KDM4C: variants seen among roughly 807,000 people sequenced by gnomAD.
KDM4C encodes the protein lysine demethylase 4C.
KDM4C carries 81 observed loss-of-function variants against 129.3 expected under a neutral mutation model. The ratio of observed to expected loss-of-function variants is 0.63; its 90% CI spans 0.52 to 0.75. The LOEUF is 0.75. Among genes scored for constraint, KDM4C ranks in the 30% least tolerant of loss-of-function variants. The probability of loss-of-function intolerance (pLI) is 0.00; values close to 1 mark genes in which losing one functional copy is unlikely to be tolerated. For synonymous variants in KDM4C, 573 were observed against 456.1 expected (o/e 1.26, Z -3.26); for missense variants, 1,457 against 1,304.0 (o/e 1.12, Z -1.81).
At chr9:6,772,505 G>A (rs1321972856) in intron 1 of KDM4C, among the ~76,000 whole-genome samples, 1 of 152,106 alleles carries the variant, frequency 6.6e-6, no homozygotes, top group African/African-American at 2.4e-5. Context: ...GGGATTACAG[G>A]CATGCACCAC....
In KDM4C at chr9:7,159,361, T is replaced by G. The variant is rs138659766; in HGVS notation, c.2782-5877T>G. ...AGGTTAATATTGTTATGTGTGAATT[T>G]GATCCTGTCATTATGTTGTTAGCTG... On this transcript the variant is annotated intron_variant, in intron 19 of 21. Transcript: ENST00000381309. Among the ~76,000 whole-genome samples the G allele has an allele frequency of 7.0e-3, 1,066 of 152,348 alleles. 8 individuals are homozygous for G. Among genetic ancestry groups the G allele is most frequent in the Middle Eastern group, 0.031 (9 of 294 alleles).
At chr9:6,868,326 G>A (rs938475184) in intron 5 of KDM4C, among the ~76,000 whole-genome samples, 6 of 152,114 alleles carry the variant, frequency 3.9e-5, no homozygotes, top group East Asian at 3.9e-4. Context: ...ATATCCTCAC[G>A]TGAAGAGAGT....
At chr9:6,811,185 G>A (rs57144536) in intron 3 of KDM4C, among the ~76,000 whole-genome samples, 2 of 151,912 alleles carry the variant, frequency 1.3e-5, no homozygotes, top group African/African-American at 4.8e-5. Context: ...ACAGAGTCTC[G>A]CTCTGTTGCC....
intron 2 of KDM4C, among the ~76,000 whole-genome samples, chr9:6,799,437 C>A (rs1024156077): frequency 6.6e-6 from 1 of 152,088 alleles, no homozygotes. Flanking sequence ...TGGCGGCGCG[C>A]GTCTGCAATC....
intron 1 of KDM4C, among the ~76,000 whole-genome samples, chr9:6,745,882 T>C (rs893527821): frequency 1.3e-5 from 2 of 152,114 alleles, no homozygotes; most frequent in Non-Finnish European, 2.9e-5. Context: ...TGATCTCAGC[T>C]CACTGCAACC....
intron 15 of KDM4C, among the ~76,000 whole-genome samples, chr9:7,034,661 A>G (rs1827332689): frequency 1.3e-5 from 2 of 152,222 alleles, no homozygotes; most frequent in South Asian, 4.1e-4. Context: ...TCTCTTTGAT[A>G]TAATGATTTC....
intron 1 of KDM4C, among the ~76,000 whole-genome samples, chr9:6,760,598 T>C (rs1819260176): frequency 6.6e-6 from 1 of 151,616 alleles, no homozygotes; most frequent in Non-Finnish European, 1.5e-5. Context: ...TGAGACGAAG[T>C]CTCACTCTGT....
chr9:6,788,120 C>T (rs536343744), intron 1 of KDM4C, among the ~76,000 whole-genome samples: 2 of 152,224 alleles, frequency 1.3e-5, no homozygotes, highest in African/African-American at 4.8e-5. Flanking sequence ...TTTGTTCCTC[C>T]GAAGTACCTT....
chr9:6,802,086 C>T (rs1424562931), intron 2 of KDM4C, among the ~76,000 whole-genome samples: 8 of 128,368 alleles, frequency 6.2e-5, no homozygotes, highest in African/African-American at 2.3e-4. Context: ...GCCTGGGGAA[C>T]AAAAGAGAAA....
intron 17 of KDM4C, among the ~76,000 whole-genome samples, chr9:7,097,289 T>C (rs1836551540): frequency 1.3e-5 from 2 of 152,382 alleles, no homozygotes; most frequent in South Asian, 2.1e-4. Context: ...GATCTGGTGC[T>C]GACGCACTGC....
chr9:6,924,509 A>G (rs1253613784), intron 8 of KDM4C, among the ~76,000 whole-genome samples: 1 of 152,168 alleles, frequency 6.6e-6, no homozygotes, highest in East Asian at 1.9e-4. Flanking sequence ...TTGGGGAATT[A>G]CACTCTTCTC....
At chr9:6,819,763 G>A (rs1251929519) in intron 4 of KDM4C, among the ~76,000 whole-genome samples, 2 of 152,208 alleles carry the variant, frequency 1.3e-5, no homozygotes, top group African/African-American at 4.8e-5. Flanking sequence ...TTACTGTCAG[G>A]AATGTTTGAA....
intron 1 of KDM4C, among the ~76,000 whole-genome samples, chr9:6,731,313 ATTTTTTTTTTGCTTTTTT>A (rs1049989957): frequency 8.8e-6 from 1 of 114,154 alleles, no homozygotes; most frequent in Non-Finnish European, 1.8e-5. Context: ...AAGCAACTAC[ATTTTTTTTTTGCTTTTTT>A]TTTTTTTTTT....
chr9:7,042,351 A>T (rs1828740521), intron 15 of KDM4C, among the ~76,000 whole-genome samples: 1 of 152,060 alleles, frequency 6.6e-6, no homozygotes, highest in South Asian at 2.1e-4. Flanking sequence ...ATTTAGCCTG[A>T]GGTTATATTG....
At chr9:6,741,250 G>C (rs1401590736) in intron 1 of KDM4C, among the ~76,000 whole-genome samples, 1 of 151,690 alleles carries the variant, frequency 6.6e-6, no homozygotes, top group Non-Finnish European at 1.5e-5. Context: ...ACAAAAATTA[G>C]CCAAGGTGGT....
intron 1 of KDM4C, among the ~76,000 whole-genome samples, chr9:6,775,633 C>T (rs1294675223): frequency 6.6e-6 from 1 of 152,000 alleles, no homozygotes; most frequent in African/African-American, 2.4e-5. Context: ...AGCAATTCTT[C>T]TGCCTCAGCC....
chr9:6,803,441 G>C (rs909963914), intron 2 of KDM4C, among the ~76,000 whole-genome samples: 6 of 151,762 alleles, frequency 4.0e-5, no homozygotes, highest in African/African-American at 1.2e-4. Context: ...ATGGTGGTGC[G>C]CACCTGTAGT....
At chr9:6,799,450 A>G (rs1828482258) in intron 2 of KDM4C, among the ~76,000 whole-genome samples, 1 of 152,110 alleles carries the variant, frequency 6.6e-6, no homozygotes, top group South Asian at 2.1e-4. Context: ...CTGCAATCGC[A>G]GGCACTCTGC....
At chr9:7,149,259 G>C (rs1004369982) in intron 19 of KDM4C, among the ~76,000 whole-genome samples, 1 of 152,224 alleles carries the variant, frequency 6.6e-6, no homozygotes. Context: ...CGGCTGGGTC[G>C]CTACAGTGCC....
Sources: allele counts gnomAD v4.1 joint callset (sites outside exome capture counted in the v4.1 genomes callset), GRCh38; gene constraint gnomAD v4.1.1; transcripts MANE v1.5; gene names NCBI Gene and HGNC (gene_info 2026-07-23, HGNC 2026-07-21).